Variants in DENND5B observed in about 807,000 individuals in gnomAD.
DENND5B encodes DENN domain containing 5B, also known as DENN domain-containing protein 5B.
In DENND5B, 34 loss-of-function variants were observed where a neutral mutation model predicts 140.6. The observed-to-expected ratio is 0.24, with a 90% CI of 0.18 to 0.32. The LOEUF is 0.32. Among genes scored for constraint, DENND5B ranks in the 10% least tolerant of loss-of-function variants. The probability of loss-of-function intolerance (pLI) is 1.00; values close to 1 mark genes in which losing one functional copy is unlikely to be tolerated. For synonymous variants in DENND5B, 551 were observed against 562.1 expected (o/e 0.98, Z 0.28); for missense variants, 1,142 against 1,560.2 (o/e 0.73, Z 4.52).
chr12:31,442,638 T>C, intron 7 of DENND5B, 137 bp downstream of exon 7: 1 of 769,946 alleles, frequency 1.3e-6, no homozygotes, highest in Admixed American at 3.9e-5. Context: ...CAATCCATAT[T>C]TCAAATGCAT....
intron 1 of DENND5B, among the ~76,000 whole-genome samples, chr12:31,585,742 G>T (rs1190740128): frequency 6.6e-6 from 1 of 152,204 alleles, no homozygotes; most frequent in Non-Finnish European, 1.5e-5. Flanking sequence ...TTTGAATTCA[G>T]ATCATGGTCT....
At chr12:31,392,178 C>T (rs1855815836) in intron 19 of DENND5B, 89 bp downstream of exon 19, 3 of 1,410,262 alleles carry the variant, frequency 2.1e-6, no homozygotes, top group South Asian at 2.5e-5. Flanking sequence ...ATCCTTATCA[C>T]TAACCCTTAT....
chr12:31,399,717 A>C lies in DENND5B; in HGVS notation c.3005T>G (p.Leu1002Arg). 6.2e-7 allele frequency: 1 copy of C among 1,614,040 alleles called. No individual in the cohort carries two copies. Among genetic ancestry groups the C allele is most frequent in the South Asian group, 1.1e-5 (1 of 91,038 alleles). ...TVQIGHDNSGLLAKWLVDCVM... is the reference protein window; with the variant it reads ...TVQIGHDNSGRLAKWLVDCVM... ...ACAATCCACTAGCCATTTGGCTAAC[A>C]GTCCTGAGTTATCGTGACCAATCTG... is the stretch of plus-strand genomic sequence containing the variant. The change falls in exon 16 of 21, where the codon CTG becomes CGG. Residue 1002 changes from leucine (L) to arginine (R), a missense_variant. Physicochemically the swap from Leu to Arg is moderately radical, Grantham distance 102 (BLOSUM62 -2). This residue lies in a region of DENND5B where 268 missense variants were observed against 349.2 expected (regional missense o/e 0.77). Transcript: ENST00000389082.
intron 5 of DENND5B, among the ~76,000 whole-genome samples, chr12:31,448,269 G>C (rs577137706): frequency 2.0e-5 from 3 of 152,204 alleles, no homozygotes; most frequent in Non-Finnish European, 2.9e-5. Flanking sequence ...TGAGTAGCTG[G>C]GACTACAGGC....
chr12:31,567,446 G>C (rs1391748018), intron 1 of DENND5B, among the ~76,000 whole-genome samples: 1 of 144,022 alleles, frequency 6.9e-6, no homozygotes, highest in African/African-American at 2.6e-5. Context: ...TTGTCTTACA[G>C]AACAGCCTCC....
At chr12:31,424,157 C>T (rs1565565092) in intron 10 of DENND5B, among the ~76,000 whole-genome samples, 1 of 152,056 alleles carries the variant, frequency 6.6e-6, no homozygotes, top group African/African-American at 2.4e-5. Flanking sequence ...AGAAAAAAAT[C>T]AGAAAGGGAG....
chr12:31,406,741 G>A (rs1942141966), intron 14 of DENND5B, among the ~76,000 whole-genome samples: 1 of 152,154 alleles, frequency 6.6e-6, no homozygotes, highest in East Asian at 1.9e-4. Flanking sequence ...AATTGAAAGA[G>A]TTACTCAGAT....
At chr12:31,398,397 T>C (rs1335835624) in intron 16 of DENND5B, 35 bp from the exon 17 acceptor site, 1 of 1,514,424 alleles carries the variant, frequency 6.6e-7, no homozygotes, top group African/African-American at 1.4e-5. Context: ...TTATTTTTTA[T>C]TTTTTTGAGA....
In DENND5B at chr12:31,546,052, T is replaced by C. The variant is rs559374018; in HGVS notation, c.127+44654A>G. ...AGGAAATACAGTGAAATATTAACAC[T>C]GTATGGCTAGTGTTTGTACTTTCAA... On this transcript the variant is annotated intron_variant, in intron 1 of 20. Transcript: ENST00000389082. 8.0e-5 allele frequency among the ~76,000 whole-genome samples: 12 copies of C among 150,880 alleles called. No individual in the cohort carries two copies. The East Asian group carries it at 1.4e-3, about 17-fold the overall frequency.
chr12:31,506,432 A>G (rs1350372828), intron 1 of DENND5B: 2 of 152,224 alleles, frequency 1.3e-5, no homozygotes, highest in African/African-American at 4.8e-5. Context: ...ACTAAAATTT[A>G]TTCACTGAAA....
intron 6 of DENND5B, 78 bp downstream of exon 6, chr12:31,447,460 T>C (rs1378897663): frequency 8.0e-7 from 1 of 1,256,540 alleles, no homozygotes; most frequent in South Asian, 1.5e-5. Flanking sequence ...ATTAATTTTG[T>C]TGTACGTAAG....
At chr12:31,586,670 T>C (rs1656511983) in intron 1 of DENND5B, among the ~76,000 whole-genome samples, 1 of 152,202 alleles carries the variant, frequency 6.6e-6, no homozygotes, top group Non-Finnish European at 1.5e-5. Context: ...TAACTGTTGT[T>C]GTCTTTGATT....
In DENND5B at chr12:31,454,095, T is replaced by C. The variant is rs574827245; in HGVS notation, c.1093-1619A>G. Among the ~76,000 whole-genome samples the C allele has an allele frequency of 3.5e-3, 523 of 147,862 alleles. 4 individuals carry two copies. The highest frequency in any genetic ancestry group is 0.012 in the African/African-American group (473 of 39,972). ...AGGCAGAGGTTGCAGTGAGCTAAGA[T>C]CGTGCCACTGCACTCCAGCCTGGGC... On this transcript the variant is annotated intron_variant, in intron 4 of 20. Coordinates refer to ENST00000389082, the MANE Select transcript of DENND5B (RefSeq NM_144973.4).
intron 17 of DENND5B, 26 bp downstream of exon 17, chr12:31,398,149 C>T: frequency 6.4e-7 from 1 of 1,552,668 alleles, no homozygotes; most frequent in Non-Finnish European, 8.7e-7. Context: ...CATAGGAGCA[C>T]ATAAGAAAAA....
At position 31,590,746 on chromosome 12, in the gene DENND5B, C is replaced by T; in HGVS notation, c.87G>A (p.Gly29=). The change falls in exon 1 of 21, where the codon GGG becomes GGA. Residue 29 remains glycine, a synonymous_variant. Transcript: ENST00000389082. ...CRFAHYFVLC[G]IDADSGLEPD... ...GCTCCAGCCCGCTGTCCGCGTCGAT[C>T]CCGCACAGCACGAAGTAGTGCGCGA... 7 of 1,472,318 alleles carry T rather than the reference C, an allele frequency of 4.8e-6. No individual in the cohort carries two copies. The highest frequency in any genetic ancestry group is 2.3e-5 in the Admixed American group (1 of 43,036). The allele number at this position is 1,472,318 out of a possible 1,614,324, so 91.2% of individuals were successfully genotyped here. A position where few individuals can be genotyped will look rare whatever the true frequency, so the allele number is the denominator to read the frequency against.
chr12:31,421,238 T>C (rs1943009064), intron 11 of DENND5B, among the ~76,000 whole-genome samples: 1 of 151,778 alleles, frequency 6.6e-6, no homozygotes, highest in Non-Finnish European at 1.5e-5. Context: ...AGAGAGTGGG[T>C]TTCATCATGT....
chr12:31,587,526 C>CTTTTTTT lies in DENND5B; in HGVS notation c.127+3173_127+3179dup, dbSNP rs71460995. The stretch of plus-strand genomic sequence containing the variant: ...CAACAACTTCTCTCACCACAAATAC[C>CTTTTTTT]TTTTTTTTTTTTTTTTTTTTTTTTT... On this transcript the variant is annotated intron_variant, in intron 1 of 20. Transcript: ENST00000389082. 1.3e-4 allele frequency among the ~76,000 whole-genome samples: 10 copies of CTTTTTTT among 75,038 alleles called. 1 individual carries two copies. Among genetic ancestry groups the CTTTTTTT allele is most frequent in the African/African-American group, 2.4e-4 (5 of 20,850 alleles). 49.2% of individuals were successfully genotyped at this position (75,038 alleles called of 152,430 possible).
rs1047567502 is a variant in DENND5B at position 31,510,393 on chromosome 12, G to T, written c.128-14474C>A. On this transcript the variant is annotated intron_variant, in intron 1 of 20. Transcript: ENST00000389082. ...TGCAATGGCACAATCTTAGTTCACT[G>T]CAACCTTTGCCTCCGGGGTTCAAGC... Among the ~76,000 whole-genome samples, 4 of 152,150 alleles carry T rather than the reference G, an allele frequency of 2.6e-5. No homozygotes were observed. The South Asian group carries it at 8.3e-4, about 32-fold the overall frequency.
intron 1 of DENND5B, among the ~76,000 whole-genome samples, chr12:31,566,849 T>A (rs1949650828): frequency 6.6e-6 from 1 of 152,158 alleles, no homozygotes; most frequent in South Asian, 2.1e-4. Context: ...TAAACATTTT[T>A]CTATGGTAGT....
Sources: gnomAD v4.1 joint callset for allele counts (sites outside exome capture counted in the v4.1 genomes callset) on GRCh38, gnomAD v4.1.1 for gene constraint, gnomAD v4.1.1 regional missense constraint, MANE v1.5 for transcripts, NCBI Gene and HGNC (gene_info 2026-07-23, HGNC 2026-07-21) for gene names.